The following TMEM232 variants were observed in gnomAD, a reference collection of about 807,000 sequenced individuals.
TMEM232 encodes the protein transmembrane protein 232.
In TMEM232, 80 loss-of-function variants were observed where a neutral mutation model predicts 78.8. That is an observed-to-expected ratio of 1.01 (90% CI 0.85 to 1.22). The LOEUF is 1.22. Ranked by LOEUF, TMEM232 falls within the 50% of genes most tolerant of loss-of-function variation. TMEM232 has a pLI of 0.00. For synonymous variants in TMEM232, 297 were observed against 254.3 expected, an observed-to-expected ratio of 1.17 and a Z score of -1.60; for missense variants, 881 against 742.2, an observed-to-expected ratio of 1.19 and a Z score of -2.17.
intron 11 of TMEM232, among the ~76,000 whole-genome samples, chr5:110,547,998 C>CAAAAAAA (rs938444289): frequency 1.6e-4 from 8 of 48,572 alleles, no homozygotes; most frequent in Non-Finnish European, 2.2e-4. Context: ...ACTCCATCTC[C>CAAAAAAA]AAAAAAAAAA....
At chr5:110,710,893 T>C (rs535816979) in intron 1 of TMEM232, among the ~76,000 whole-genome samples, 5 of 152,222 alleles carry the variant, frequency 3.3e-5, no homozygotes, top group African/African-American at 1.2e-4. Flanking sequence ...TTATTCAACA[T>C]AGTACTGGAA....
chr5:110,493,182 T>C (rs1765293342), intron 12 of TMEM232, among the ~76,000 whole-genome samples: 2 of 152,006 alleles, frequency 1.3e-5, no homozygotes, highest in Admixed American at 1.3e-4. Flanking sequence ...TTAAAAAATT[T>C]ATTTTGAAAT....
At chr5:110,408,030 T>C (rs939841474) in intron 2 of TMEM232, among the ~76,000 whole-genome samples, 2 of 151,620 alleles carry the variant, frequency 1.3e-5, no homozygotes, top group South Asian at 4.2e-4. Flanking sequence ...TTTAAACAAA[T>C]GAAAATGGAA....
intron 1 of TMEM232, among the ~76,000 whole-genome samples, chr5:110,714,088 C>T (rs544767900): frequency 1.3e-5 from 2 of 152,168 alleles, no homozygotes; most frequent in Admixed American, 1.3e-4. Flanking sequence ...ACACCCCTCA[C>T]CCTGCCATGG....
intron 1 of TMEM232, among the ~76,000 whole-genome samples, chr5:110,693,836 C>A (rs1428527542): frequency 4.6e-5 from 7 of 152,062 alleles, no homozygotes; most frequent in Admixed American, 4.6e-4. Context: ...GATTGGTGTA[C>A]CTGAAAGTGA....
intron 12 of TMEM232, among the ~76,000 whole-genome samples, chr5:110,503,295 A>G (rs1425822516): frequency 1.3e-5 from 2 of 152,202 alleles, no homozygotes; most frequent in African/African-American, 4.8e-5. Flanking sequence ...GACAGATTGA[A>G]TGTGTAATAT....
At chr5:110,720,364 C>A (rs1332168131) in intron 1 of TMEM232, among the ~76,000 whole-genome samples, 3 of 152,112 alleles carry the variant, frequency 2.0e-5, no homozygotes, top group Non-Finnish European at 4.4e-5. Context: ...CCCAGCCTCT[C>A]AGCCACAATC....
At chr5:110,491,703 T>C (rs1232667777) in intron 12 of TMEM232, among the ~76,000 whole-genome samples, 1 of 151,796 alleles carries the variant, frequency 6.6e-6, no homozygotes, top group South Asian at 2.1e-4. Context: ...TGGAAGGAGG[T>C]TGTAAAAGTG....
At chr5:110,690,262 T>C (rs1247532359) in intron 1 of TMEM232, among the ~76,000 whole-genome samples, 1 of 152,148 alleles carries the variant, frequency 6.6e-6, no homozygotes, top group Non-Finnish European at 1.5e-5. Context: ...ATATCCAGAA[T>C]CTAAAATGAA....
chr5:110,582,015 C>T (rs1281324604), intron 10 of TMEM232, among the ~76,000 whole-genome samples: 5 of 151,644 alleles, frequency 3.3e-5, no homozygotes, highest in African/African-American at 1.2e-4. Flanking sequence ...TAACAGATTC[C>T]GGCAAAAGTT....
chr5:110,523,530 T>G (rs1769869087), intron 12 of TMEM232, among the ~76,000 whole-genome samples: 1 of 152,132 alleles, frequency 6.6e-6, no homozygotes, highest in South Asian at 2.1e-4. Context: ...ATATCCCTCT[T>G]AGTACTGCTT....
At chr5:110,738,354 G>A (rs984011921), upstream of TMEM232, 2 of 782,358 alleles carry the variant, frequency 2.6e-6, no homozygotes, top group African/African-American at 1.9e-5. Context: ...AGACACATCA[G>A]AAAAAAATAC....
chr5:110,484,785 A>G (rs1019864580), intron 12 of TMEM232, among the ~76,000 whole-genome samples: 10 of 152,070 alleles, frequency 6.6e-5, no homozygotes, highest in Admixed American at 1.3e-4. Context: ...ATAAAAATAT[A>G]TAAGTTATAA....
upstream of TMEM232, among the ~76,000 whole-genome samples, chr5:110,729,665 G>C (rs750267743): frequency 1.3e-5 from 2 of 152,214 alleles, no homozygotes; most frequent in Non-Finnish European, 2.9e-5. Context: ...GATGAAAGTA[G>C]CAATAACTGT....
chr5:110,628,592 CT>C (rs1191543362), intron 5 of TMEM232, among the ~76,000 whole-genome samples: 5 of 150,972 alleles, frequency 3.3e-5, no homozygotes, highest in African/African-American at 1.2e-4. Context: ...AACACATTAA[CT>C]ATAGAAATGG....
rs373245528 is a variant in TMEM232 at position 110,538,793 on chromosome 5, T to C, written c.1456-9958A>G. The stretch of plus-strand genomic sequence containing the variant: ...GAGGAGCCCCAGGTAATTCTGGATG[T>C]CATGGGTACCCAAATTCAGTTGTTT... On this transcript the variant is annotated intron_variant, in intron 11 of 13. Coordinates refer to ENST00000455884, the MANE Select transcript of TMEM232 (RefSeq NM_001039763.4). 5.9e-5 allele frequency among the ~76,000 whole-genome samples: 9 copies of C among 151,284 alleles called. 1 individual carries two copies. Among genetic ancestry groups the C allele is most frequent in the East Asian group, 5.8e-4 (3 of 5,152 alleles).
chr5:110,619,814 A>T (rs1445620626), intron 7 of TMEM232, among the ~76,000 whole-genome samples: 2 of 152,090 alleles, frequency 1.3e-5, no homozygotes, highest in African/African-American at 4.8e-5. Context: ...GTAAATAAAT[A>T]TGTTTGACAA....
In TMEM232 at chr5:110,710,532, A is replaced by G. The variant is rs140681294; in HGVS notation, c.-13+16095T>C. Among the ~76,000 whole-genome samples, 15 of 152,318 alleles carry G rather than the reference A, an allele frequency of 9.8e-5. No individual in the cohort carries two copies. In the East Asian group the frequency reaches 2.7e-3, roughly 27 times the overall value. On this transcript the variant is annotated intron_variant, in intron 1 of 13. Coordinates refer to ENST00000455884, the MANE Select transcript of TMEM232 (RefSeq NM_001039763.4). ...CAAACCAATGTCAATGATACATTAG[A>G]AAGATTATTCATCATGACGAAGAGA...
intron 1 of TMEM232, among the ~76,000 whole-genome samples, chr5:110,724,052 C>A (rs1461770831): frequency 6.6e-6 from 1 of 152,154 alleles, no homozygotes; most frequent in Non-Finnish European, 1.5e-5. Context: ...CTGTTATATT[C>A]CATCAAATAC....
Sources: gnomAD v4.1 joint callset for allele counts (sites outside exome capture counted in the v4.1 genomes callset) on GRCh38, gnomAD v4.1.1 for gene constraint, MANE v1.5 for transcripts, NCBI Gene and HGNC (gene_info 2026-07-23, HGNC 2026-07-21) for gene names.